The following IGF2R variants were observed in gnomAD, a reference collection of about 807,000 sequenced individuals.
IGF2R encodes cation-independent mannose-6-phosphate receptor.
Under a neutral mutation model 270.6 loss-of-function variants are expected in IGF2R, and 91 were observed. The observed-to-expected ratio is 0.34, with a 90% CI of 0.28 to 0.40. The LOEUF (loss-of-function observed/expected upper bound fraction) is 0.40, where lower values mean the gene tolerates loss of function less well. IGF2R is among the 10% of genes least tolerant of loss of function. The pLI is 1.00. For missense variants in IGF2R, 2,805 were observed against 3,188.3 expected, an observed-to-expected ratio of 0.88 and a Z score of 2.90; for synonymous variants, 1,316 against 1,258.9, an observed-to-expected ratio of 1.05 and a Z score of -0.96.
Position 160,047,674 on chromosome 6 carries a change from T to C in IGF2R, c.2230-118T>C, listed in dbSNP as rs565925473. On this transcript the variant is annotated intron_variant, in intron 16 of 47. Coordinates refer to ENST00000356956, the MANE Select transcript of IGF2R (RefSeq NM_000876.4). ...ATAAAATGAAGGGAGATGGGCAGAC[T>C]AAGCTTTTCTTCACAGTTTCTCATT... The C allele has an allele frequency of 6.8e-6, 5 of 730,438 alleles. No homozygotes were observed. The African/African-American group carries it at 6.9e-5, about 10-fold the overall frequency. 45.2% of individuals were successfully genotyped at this position (730,438 alleles called of 1,614,324 possible).
intron 5 of IGF2R, 131 bp from the exon 6 acceptor site, chr6:160,027,054 G>C (rs1175958336): frequency 2.0e-6 from 2 of 997,166 alleles, no homozygotes. Context: ...GCTTGCCCAA[G>C]GTTTCAGAAT....
At chr6:160,037,078 C>A (rs1415080861) in intron 10 of IGF2R, among the ~76,000 whole-genome samples, 2 of 152,198 alleles carry the variant, frequency 1.3e-5, no homozygotes, top group African/African-American at 4.8e-5. Context: ...AGCCATGCGT[C>A]ATTGATGGCT....
Position 160,080,120 on chromosome 6 carries a change from T to C in IGF2R, c.5687-9T>C, listed in dbSNP as rs370295355. On this transcript the variant is annotated splice_polypyrimidine_tract_variant and intron_variant, in intron 38 of 47. Coordinates refer to ENST00000356956, the MANE Select transcript of IGF2R (RefSeq NM_000876.4). ...GCTGCCACACTGATAATGTTCTTCT[T>C]CTTTCCAGAAACCGATGACGGCGTC... 7.4e-6 allele frequency: 12 copies of C among 1,613,760 alleles called. No individual in the cohort carries two copies. The African/African-American group carries it at 1.6e-4, about 22-fold the overall frequency.
In IGF2R at chr6:160,047,277, G is replaced by C. The variant is rs6413491; in HGVS notation, c.2170G>C (p.Ala724Pro). Residue 724 changes from alanine to proline, a missense_variant, in exon 16 of 48, where the codon GCT becomes CCT. By Grantham distance (27) the Ala-to-Pro change is conservative. Coordinates refer to ENST00000356956, the MANE Select transcript of IGF2R (RefSeq NM_000876.4). ...TAACAATGAAAGACACACACCGAGAGCTACGCTCATCACCTTTCTCTGTGA... is the reference window on the plus strand; with the variant it reads ...TAACAATGAAAGACACACACCGAGACCTACGCTCATCACCTTTCTCTGTGA... The part of the protein sequence containing the change: ...PYNNERHTPR[A>P]TLITFLCDRD... 2.0e-5 allele frequency: 32 copies of C among 1,612,360 alleles called. No homozygotes were observed. The highest frequency in any genetic ancestry group is 2.7e-5 in the Non-Finnish European group (32 of 1,179,662).
chr6:159,971,229 G>A (rs970547811), intron 1 of IGF2R, among the ~76,000 whole-genome samples: 6 of 152,272 alleles, frequency 3.9e-5, no homozygotes, highest in African/African-American at 1.4e-4. Context: ...CTGATTGATG[G>A]GACCCTTACT....
At chr6:159,996,191 C>T (rs1378843166) in intron 2 of IGF2R, among the ~76,000 whole-genome samples, 1 of 152,136 alleles carries the variant, frequency 6.6e-6, no homozygotes, top group Non-Finnish European at 1.5e-5. Flanking sequence ...CCGTCTCCCG[C>T]GGGGCCTGGA....
intron 5 of IGF2R, among the ~76,000 whole-genome samples, chr6:160,025,295 A>G (rs1330347940): frequency 6.6e-6 from 1 of 152,236 alleles, no homozygotes; most frequent in African/African-American, 2.4e-5. Context: ...CCAAGTTTCT[A>G]AAACCCAGCT....
chr6:160,088,298 G>A (rs1156844255), intron 42 of IGF2R, 151 bp downstream of exon 42: 4 of 632,078 alleles, frequency 6.3e-6, no homozygotes, highest in African/African-American at 3.6e-5. Flanking sequence ...GCTGCTCCAG[G>A]CAGGGAAGAC....
chr6:160,053,809 T>G (rs1778249230), intron 19 of IGF2R, among the ~76,000 whole-genome samples: 3 of 152,170 alleles, frequency 2.0e-5, no homozygotes, highest in Admixed American at 2.0e-4. Context: ...CTTCCTGGGC[T>G]CAAGTGACCC....
rs1779520276 is a variant in IGF2R, at chr6:160,102,876, C to A, written c.6995+205C>A. ...CATTTCTGTCTGACCAAGGCCGAGGCCCTCGCACATCACCCGTGCCTGCGG... is the reference window on the plus strand; with the variant it reads ...CATTTCTGTCTGACCAAGGCCGAGGACCTCGCACATCACCCGTGCCTGCGG... On this transcript the variant is annotated intron_variant, in intron 46 of 47. Coordinates refer to ENST00000356956, the MANE Select transcript of IGF2R (RefSeq NM_000876.4). The surrounding 1 kb of genome is among the most constrained non-coding windows in gnomAD (Gnocchi z 4.5). Among the ~76,000 whole-genome samples the A allele has an allele frequency of 6.6e-6, 1 of 152,160 alleles. No individual in the cohort carries two copies. Among genetic ancestry groups the A allele is most frequent in the Admixed American group, 6.5e-5 (1 of 15,286 alleles).
chr6:160,008,455 A>G (rs1040236738), intron 2 of IGF2R, among the ~76,000 whole-genome samples: 8 of 152,106 alleles, frequency 5.3e-5, no homozygotes, highest in African/African-American at 1.7e-4. Flanking sequence ...TGATTTTTAC[A>G]TAGACTTTTT....
At chr6:160,024,462 C>T in intron 4 of IGF2R, 110 bp from the exon 5 acceptor site, 1 of 1,063,030 alleles carries the variant, frequency 9.4e-7, no homozygotes, top group East Asian at 2.4e-5. Context: ...GACACCATAG[C>T]ATGATAGTCC....
At chr6:160,015,559 T>C (rs191622567) in intron 4 of IGF2R, among the ~76,000 whole-genome samples, 6 of 152,192 alleles carry the variant, frequency 3.9e-5, no homozygotes, top group Non-Finnish European at 7.4e-5. Flanking sequence ...TTCATGAAAC[T>C]GTACCGCAAA....
intron 1 of IGF2R, among the ~76,000 whole-genome samples, chr6:159,982,541 T>C (rs1393332580): frequency 6.6e-6 from 1 of 152,262 alleles, no homozygotes; most frequent in Non-Finnish European, 1.5e-5. Flanking sequence ...TTCACTTATG[T>C]GTCACCAACT....
Position 159,969,290 on chromosome 6 carries a change from C to T in IGF2R, c.44C>T (p.Pro15Leu). Reference protein sequence around the residue: ...AGRSPHLGPAPARRPQRSLLL... With the variant: ...AGRSPHLGPALARRPQRSLLL... ...CGGAGCCCCCACCTGGGGCCCGCGC[C>T]CGCCCGCCGCCCGCAGCGCTCTCTG... The change falls in exon 1 of 48, where the codon CCC (proline) becomes CTC (leucine). Residue 15 changes from proline to leucine, a missense_variant. Around this residue, in one of 2 missense-constraint regions of IGF2R, gnomAD observed 954 missense variants for 981.1 expected, o/e 0.97. Coordinates refer to ENST00000356956, the MANE Select transcript of IGF2R (RefSeq NM_000876.4). The T allele has an allele frequency of 8.3e-7, 1 of 1,206,702 alleles. No individual in the cohort carries two copies. 74.7% of individuals were successfully genotyped at this position (1,206,702 alleles called of 1,614,324 possible).
rs544690473 is a variant in IGF2R, at chr6:160,068,622, A to C, written c.4252+237A>C. Among the ~76,000 whole-genome samples, 4 of 151,746 alleles carry C rather than the reference A, an allele frequency of 2.6e-5. No homozygotes were observed. In the South Asian group the frequency reaches 8.3e-4, roughly 32 times the overall value. ...TGTAGTGAGTGTATCGAAGGCTGGC[A>C]CTGGTGAGAGAGGACCTCCTCATGG... On this transcript the variant is annotated intron_variant, in intron 30 of 47. Coordinates refer to ENST00000356956, the MANE Select transcript of IGF2R (RefSeq NM_000876.4).
chr6:159,996,932 A>G (rs1430530242), intron 2 of IGF2R, among the ~76,000 whole-genome samples: 3 of 152,166 alleles, frequency 2.0e-5, no homozygotes, highest in East Asian at 3.9e-4. Flanking sequence ...CCTAACAGCC[A>G]CAGAATGGCC....
chr6:160,038,409 G>A (rs1010952378), intron 10 of IGF2R, among the ~76,000 whole-genome samples: 2 of 152,198 alleles, frequency 1.3e-5, no homozygotes, highest in African/African-American at 4.8e-5. Context: ...GTAAGAATAC[G>A]TGTAAGGTAC....
At chr6:159,972,808 T>A (rs1783630720) in intron 1 of IGF2R, among the ~76,000 whole-genome samples, 1 of 152,216 alleles carries the variant, frequency 6.6e-6, no homozygotes, top group Non-Finnish European at 1.5e-5. Flanking sequence ...CCCTCTGAGT[T>A]GTGCATTGAA....
Sources: gnomAD v4.1 joint callset for allele counts (sites outside exome capture counted in the v4.1 genomes callset) on GRCh38, gnomAD v4.1.1 for gene constraint, gnomAD v4.1.1 regional missense constraint, Gnocchi (gnomAD v3.1) non-coding constraint, MANE v1.5 for transcripts, NCBI Gene and HGNC (gene_info 2026-07-23, HGNC 2026-07-21) for gene names.